The following TRIM37 variants were observed in gnomAD, a reference collection of about 807,000 sequenced individuals.
TRIM37 encodes tripartite motif containing 37.
In TRIM37, 80 loss-of-function variants were observed where a neutral mutation model predicts 129.8. The observed-to-expected ratio is 0.62, with a 90% CI of 0.51 to 0.74. TRIM37 has a LOEUF of 0.74. TRIM37 is among the 30% of genes least tolerant of loss of function. The pLI is 0.00. For missense variants in TRIM37, 1,054 were observed against 1,176.5 expected, an observed-to-expected ratio of 0.90 and a Z score of 1.52; for synonymous variants, 389 against 387.1, an observed-to-expected ratio of 1.00 and a Z score of -0.06.
intron 20 of TRIM37, 35 bp downstream of exon 20, chr17:59,017,261 C>G: frequency 6.2e-7 from 1 of 1,611,104 alleles, no homozygotes; most frequent in Non-Finnish European, 8.5e-7. Context: ...AATATTTACC[C>G]CACTAAAAGT....
intron 18 of TRIM37, among the ~76,000 whole-genome samples, chr17:59,030,857 T>C (rs1393407127): frequency 6.6e-6 from 1 of 152,216 alleles, no homozygotes; most frequent in Non-Finnish European, 1.5e-5. Context: ...TCAAAAAGGT[T>C]AAACCAACTT....
At chr17:59,098,947 G>T (rs765674926) in intron 2 of TRIM37, among the ~76,000 whole-genome samples, 3 of 152,176 alleles carry the variant, frequency 2.0e-5, no homozygotes, top group Admixed American at 6.6e-5. Flanking sequence ...CACTTTGGGA[G>T]GCCAAGGAGG....
downstream of TRIM37, among the ~76,000 whole-genome samples, chr17:58,995,399 A>G (rs921806017): frequency 6.6e-6 from 1 of 151,802 alleles, no homozygotes; most frequent in Non-Finnish European, 1.5e-5. Context: ...AAGCAAAGAA[A>G]TGCTTAAAAA....
chr17:59,046,982 G>A (rs1187697590), intron 16 of TRIM37, among the ~76,000 whole-genome samples: 4 of 151,290 alleles, frequency 2.6e-5, no homozygotes, highest in Admixed American at 6.6e-5. Context: ...GTGAAACCCC[G>A]TCTCTACTAA....
chr17:58,982,897 C>T, exon 25 of TRIM37: 1 of 1,572,152 alleles, frequency 6.4e-7, no homozygotes, highest in East Asian at 2.3e-5. Context: ...CCATCAGGTG[C>T]AGTGTCAGTT....
downstream of TRIM37, chr17:58,981,182 A>C: frequency 1.6e-6 from 1 of 620,908 alleles, no homozygotes; most frequent in Non-Finnish European, 2.7e-6. Flanking sequence ...TAGGAAACTC[A>C]AAGTACAGTG....
chr17:59,058,288 C>A (rs998929335), intron 12 of TRIM37, among the ~76,000 whole-genome samples: 1 of 152,066 alleles, frequency 6.6e-6, no homozygotes, highest in Non-Finnish European at 1.5e-5. Context: ...GAACAGAAAA[C>A]CAAATACCAC....
At chr17:59,057,926 C>A (rs967418440) in intron 12 of TRIM37, among the ~76,000 whole-genome samples, 2 of 152,096 alleles carry the variant, frequency 1.3e-5, no homozygotes, top group African/African-American at 4.8e-5. Flanking sequence ...AACAACACCT[C>A]AAAAAATAAA....
At chr17:59,074,633 TGGAAACCA>T in intron 8 of TRIM37, among the ~76,000 whole-genome samples, 1 of 152,082 alleles carries the variant, frequency 6.6e-6, no homozygotes, top group African/African-American at 2.4e-5. Flanking sequence ...ACCAAGAAAG[TGGAAACCA>T]TAGGAATCAG....
At chr17:59,001,199 CAAA>C (rs537326649) in intron 23 of TRIM37, among the ~76,000 whole-genome samples, 17 of 57,498 alleles carry the variant, frequency 3.0e-4, no homozygotes, top group Admixed American at 4.0e-4. Flanking sequence ...CATCTCGGGG[CAAA>C]AAAAAAAAAA....
At chr17:59,102,005 A>T (rs1173047088) in intron 2 of TRIM37, among the ~76,000 whole-genome samples, 1 of 152,050 alleles carries the variant, frequency 6.6e-6, no homozygotes, top group African/African-American at 2.4e-5. Flanking sequence ...AGTGACTAGC[A>T]GAACAGAACA....
intron 17 of TRIM37, among the ~76,000 whole-genome samples, chr17:59,037,608 A>G (rs374403690): frequency 3.4e-5 from 4 of 117,736 alleles, no homozygotes; most frequent in African/African-American, 9.0e-5. Flanking sequence ...TAATTTTTTT[A>G]TTTTAGTATA....
At chr17:59,043,142 G>A (rs1882465145) in intron 16 of TRIM37, among the ~76,000 whole-genome samples, 1 of 152,142 alleles carries the variant, frequency 6.6e-6, no homozygotes, top group Non-Finnish European at 1.5e-5. Context: ...AGTCTCTCAT[G>A]TTAAAAAACA....
intron 4 of TRIM37, among the ~76,000 whole-genome samples, chr17:59,085,421 T>A (rs1246462051): frequency 6.6e-6 from 1 of 152,108 alleles, no homozygotes; most frequent in Non-Finnish European, 1.5e-5. Context: ...AATTTAAAAA[T>A]GAGCAAAAGA....
intron 24 of TRIM37, chr17:58,982,983 A>C: frequency 7.0e-7 from 1 of 1,437,210 alleles, no homozygotes; most frequent in South Asian, 1.3e-5. Context: ...CAAAGTGCTT[A>C]GCGAAGTAAA....
intron 2 of TRIM37, among the ~76,000 whole-genome samples, 167 bp from the exon 3 acceptor site, chr17:59,091,507 T>G (rs2044320460): frequency 1.0e-5 from 1 of 98,470 alleles, no homozygotes; most frequent in Non-Finnish European, 2.0e-5. Context: ...TTATATAACA[T>G]ATCATATATA....
chr17:59,056,817 G>C (rs973441280), intron 13 of TRIM37, 58 bp downstream of exon 13: 12 of 1,231,744 alleles, frequency 9.7e-6, no homozygotes, highest in Admixed American at 2.0e-5. Context: ...TTGAAATATA[G>C]TTCTGATGAT....
At chr17:59,048,870 T>C (rs1041644262) in intron 15 of TRIM37, among the ~76,000 whole-genome samples, 1 of 152,242 alleles carries the variant, frequency 6.6e-6, no homozygotes, top group Admixed American at 6.5e-5. Context: ...GTGCTGGGAT[T>C]ACAGGTGTGA....
At chr17:58,982,623 C>T, downstream of TRIM37, 1 of 400,988 alleles carries the variant, frequency 2.5e-6, no homozygotes, top group South Asian at 3.9e-5. Context: ...ATCAAATAGA[C>T]AAAAACAGCT....
Sources: gnomAD v4.1 joint callset for allele counts (sites outside exome capture counted in the v4.1 genomes callset) on GRCh38, gnomAD v4.1.1 for gene constraint, MANE v1.5 for transcripts, NCBI Gene and HGNC (gene_info 2026-07-23, HGNC 2026-07-21) for gene names.